FBXO4: variants seen among roughly 807,000 people sequenced by gnomAD.
The protein encoded by FBXO4 is F-box only protein 4.
FBXO4 carries 36 observed loss-of-function variants against 43.7 expected under a neutral mutation model. The ratio of observed to expected loss-of-function variants is 0.82; its 90% CI spans 0.63 to 1.09. The LOEUF (loss-of-function observed/expected upper bound fraction) is 1.09, where lower values mean the gene tolerates loss of function less well. FBXO4 is among the 50% of genes least tolerant of loss of function. The pLI is 0.00. For missense variants in FBXO4, 435 were observed against 474.1 expected, an observed-to-expected ratio of 0.92 and a Z score of 0.77; for synonymous variants, 180 against 165.6, an observed-to-expected ratio of 1.09 and a Z score of -0.67.
At chr5:41,999,130 A>C in the FBXO4 span, among the ~76,000 whole-genome samples, 135 of 152,084 alleles carry the variant, frequency 8.9e-4, no homozygotes, top group African/African-American at 3.2e-3. Flanking sequence ...TGCCTCTCAC[A>C]GGTGGTGAAT....
the FBXO4 span, among the ~76,000 whole-genome samples, chr5:42,023,695 C>G: frequency 1.3e-5 from 2 of 151,978 alleles, no homozygotes; most frequent in African/African-American, 4.8e-5. Context: ...GATGGAGAAT[C>G]ATAGCACACC....
At chr5:41,996,133 T>G in the FBXO4 span, among the ~76,000 whole-genome samples, 3 of 152,158 alleles carry the variant, frequency 2.0e-5, no homozygotes, top group African/African-American at 7.2e-5. Context: ...GTGGAGACCA[T>G]GGGCATTTGA....
chr5:42,037,096 G>A, the FBXO4 span, among the ~76,000 whole-genome samples: 1 of 152,004 alleles, frequency 6.6e-6, no homozygotes, highest in Non-Finnish European at 1.5e-5. Flanking sequence ...ATTTTTGCAT[G>A]GCTTCTATGA....
the FBXO4 span, among the ~76,000 whole-genome samples, chr5:42,006,072 A>T: frequency 2.6e-5 from 4 of 152,078 alleles, no homozygotes; most frequent in Non-Finnish European, 5.9e-5. Context: ...ATATTGACAT[A>T]TGTTGACATA....
At chr5:42,015,092 C>T in the FBXO4 span, among the ~76,000 whole-genome samples, 1 of 152,080 alleles carries the variant, frequency 6.6e-6, no homozygotes, top group Non-Finnish European at 1.5e-5. Context: ...AGGCAATAAG[C>T]AGAGGGGGCA....
intron 5 of FBXO4, among the ~76,000 whole-genome samples, chr5:41,938,687 T>C (rs1751916492): frequency 6.6e-6 from 1 of 152,234 alleles, no homozygotes; most frequent in Non-Finnish European, 1.5e-5. Context: ...TATGGTTGCA[T>C]CCTTTTCTGG....
rs370657056 is a variant in FBXO4 at position 41,941,321 on chromosome 5, T to G, written c.*40T>G. 2.1e-3 allele frequency: 3,202 copies of G among 1,557,848 alleles called. 7 individuals carry two copies. The highest frequency in any genetic ancestry group is 2.6e-3 in the Non-Finnish European group (2,955 of 1,129,492). ...CTTGGGAACTGAAACCATTTGAAAT[T>G]TATTACTAAGGTCGTGATGTGAATA... On this transcript the variant is annotated 3_prime_UTR_variant, in exon 7 of 7. Coordinates refer to ENST00000281623, the MANE Select transcript of FBXO4 (RefSeq NM_012176.3).
the FBXO4 span, among the ~76,000 whole-genome samples, chr5:42,001,723 A>C: frequency 5.0e-3 from 752 of 151,716 alleles, 7 homozygotes; most frequent in African/African-American, 0.017. Flanking sequence ...ACGGAGTCTC[A>C]CTCTGTCACC....
chr5:42,008,449 G>T, the FBXO4 span, among the ~76,000 whole-genome samples: 1 of 152,090 alleles, frequency 6.6e-6, no homozygotes, highest in East Asian at 1.9e-4. Flanking sequence ...GATTTGTTTT[G>T]ATATGCACCA....
chr5:41,958,680 A>G, the FBXO4 span, among the ~76,000 whole-genome samples: 6 of 152,218 alleles, frequency 3.9e-5, no homozygotes, highest in East Asian at 1.2e-3. Flanking sequence ...TATTTCACTT[A>G]ATATAATGTA....
At chr5:41,935,536 G>A (rs1209996833) in intron 5 of FBXO4, among the ~76,000 whole-genome samples, 3 of 152,226 alleles carry the variant, frequency 2.0e-5, no homozygotes, top group African/African-American at 7.2e-5. Flanking sequence ...CTTGTACCAA[G>A]GATCTTGCAC....
chr5:41,971,205 GGTGTGTGT>G, the FBXO4 span, among the ~76,000 whole-genome samples: 814 of 147,464 alleles, frequency 5.5e-3, 10 homozygotes, highest in African/African-American at 0.019. Context: ...ACTAGAGAGA[GGTGTGTGT>G]GTGTGTGTGT....
chr5:42,008,417 G>A, the FBXO4 span, among the ~76,000 whole-genome samples: 1 of 152,102 alleles, frequency 6.6e-6, no homozygotes, highest in African/African-American at 2.4e-5. Flanking sequence ...ATTTGGGCAG[G>A]CTGTTTGAAA....
the FBXO4 span, among the ~76,000 whole-genome samples, chr5:42,038,424 C>T: frequency 6.6e-6 from 1 of 152,038 alleles, no homozygotes; most frequent in Admixed American, 6.6e-5. Flanking sequence ...TACTACCAGC[C>T]ATTCCAGGAA....
the FBXO4 span, among the ~76,000 whole-genome samples, chr5:41,950,998 T>C: frequency 6.6e-6 from 1 of 151,912 alleles, no homozygotes; most frequent in African/African-American, 2.4e-5. Context: ...CATTCGTAAG[T>C]GGGAGTTGAG....
the FBXO4 span, among the ~76,000 whole-genome samples, chr5:41,953,870 G>T: frequency 1.1e-4 from 16 of 151,392 alleles, no homozygotes; most frequent in African/African-American, 2.2e-4. Flanking sequence ...TAAATTTGTT[G>T]GAGTTCATTG....
At chr5:41,982,676 G>A in the FBXO4 span, among the ~76,000 whole-genome samples, 1 of 151,930 alleles carries the variant, frequency 6.6e-6, no homozygotes, top group Non-Finnish European at 1.5e-5. Flanking sequence ...TTCTCTTTGT[G>A]ATAATTGATA....
the FBXO4 span, among the ~76,000 whole-genome samples, chr5:41,981,790 G>A: frequency 6.8e-6 from 1 of 147,746 alleles, no homozygotes; most frequent in Admixed American, 6.8e-5. Flanking sequence ...GGGTACATGT[G>A]CACAACATGC....
chr5:42,001,587 A>T, the FBXO4 span, among the ~76,000 whole-genome samples: 1 of 152,308 alleles, frequency 6.6e-6, no homozygotes, highest in South Asian at 2.1e-4. Flanking sequence ...TAATTTTCAA[A>T]GTACAAGTCT....
Sources: allele counts gnomAD v4.1 joint callset (sites outside exome capture counted in the v4.1 genomes callset), GRCh38; gene constraint gnomAD v4.1.1; transcripts MANE v1.5; gene names NCBI Gene and HGNC (gene_info 2026-07-23, HGNC 2026-07-21).